The following WDFY3 variants were observed in gnomAD, a reference collection of about 807,000 sequenced individuals.
WDFY3 encodes the protein WD repeat and FYVE domain-containing protein 3.
A neutral mutation model predicts 409.6 loss-of-function variants in WDFY3; 66 were observed. That is an observed-to-expected ratio of 0.16 (90% CI 0.13 to 0.20). The LOEUF (loss-of-function observed/expected upper bound fraction) is 0.20. Ranked by LOEUF, WDFY3 falls within the 10% of genes least tolerant of loss-of-function variation. The probability of loss-of-function intolerance (pLI) is 1.00; values close to 1 mark genes in which losing one functional copy is unlikely to be tolerated. For missense variants in WDFY3, 3,031 were observed against 4,298.1 expected (o/e 0.71, Z 8.24); for synonymous variants, 1,521 against 1,537.1 (o/e 0.99, Z 0.25).
At chr4:84,713,318 C>G in intron 50 of WDFY3, 79 bp from the exon 51 acceptor site, 1 of 1,327,480 alleles carries the variant, frequency 7.5e-7, no homozygotes, top group Non-Finnish European at 1.1e-6. Context: ...AAGGACGATT[C>G]GTTTAGATTT....
intron 10 of WDFY3, among the ~76,000 whole-genome samples, chr4:84,825,079 G>A (rs1213906496): frequency 1.3e-5 from 2 of 152,080 alleles, no homozygotes; most frequent in African/African-American, 4.8e-5. Flanking sequence ...ACCCTGGGAG[G>A]TGCTAGGTTA....
At chr4:84,755,999 T>C (rs1398115446) in intron 33 of WDFY3, among the ~76,000 whole-genome samples, 1 of 152,202 alleles carries the variant, frequency 6.6e-6, no homozygotes, top group East Asian at 1.9e-4. Context: ...TTTTGTCAAC[T>C]ACTAGAATTG....
At chr4:84,886,351 C>A (rs1764220977) in intron 3 of WDFY3, 1 of 151,890 alleles carries the variant, frequency 6.6e-6, no homozygotes, top group African/African-American at 2.4e-5. Context: ...CTCAAGTGAA[C>A]CACATTTATT....
Position 84,688,276 on chromosome 4 carries a change from G to C in WDFY3, c.9364-11C>G, listed in dbSNP as rs1728657626. 1 of 1,609,220 alleles carries C rather than the reference G, an allele frequency of 6.2e-7. No homozygotes were observed. The highest frequency in any genetic ancestry group is 8.5e-7 in the Non-Finnish European group (1 of 1,177,798). ...GTGGCCCAGTAAGGCCTACGAATGAGAACAAACAAACAAAATCAGGTTGAT... is the reference window on the plus strand; with the variant it reads ...GTGGCCCAGTAAGGCCTACGAATGACAACAAACAAACAAAATCAGGTTGAT... On this transcript the variant is annotated splice_polypyrimidine_tract_variant and intron_variant, in intron 61 of 67. Coordinates refer to ENST00000295888, the MANE Select transcript of WDFY3 (RefSeq NM_014991.6).
chr4:84,860,162 G>A (rs143875014), intron 4 of WDFY3, among the ~76,000 whole-genome samples: 75 of 152,176 alleles, frequency 4.9e-4, no homozygotes, highest in African/African-American at 1.7e-3. Context: ...GGCCATTTTA[G>A]ACAATGGCTC....
intron 1 of WDFY3, among the ~76,000 whole-genome samples, chr4:84,943,074 G>A (rs915682915): frequency 2.6e-5 from 4 of 151,920 alleles, no homozygotes; most frequent in Admixed American, 6.6e-5. Context: ...CCTCCTCTTC[G>A]GCCAACTCAG....
At chr4:84,889,875 A>C (rs1231371355) in intron 3 of WDFY3, among the ~76,000 whole-genome samples, 1 of 152,200 alleles carries the variant, frequency 6.6e-6, no homozygotes, top group African/African-American at 2.4e-5. Flanking sequence ...ATTAAGAAAA[A>C]AAATTAATCA....
Position 84,786,096 on chromosome 4 carries a change from T to C in WDFY3, c.3945A>G (p.Ser1315=). 5 of 1,613,368 alleles carry C rather than the reference T, an allele frequency of 3.1e-6. No homozygotes were observed. Among genetic ancestry groups the C allele is most frequent in the Non-Finnish European group, 3.4e-6 (4 of 1,179,672 alleles). ...ATGACACTTTCTCCTCTGGTACTAA[T>C]GACACAGGGGATGGCACCACCCCTT... ...KSEGVVPSPV[S]LVPEEKVSFG... Residue 1315 remains serine (S), a synonymous_variant, in exon 24 of 68, where the codon TCA becomes TCG. Coordinates refer to ENST00000295888, the MANE Select transcript of WDFY3 (RefSeq NM_014991.6).
chr4:84,691,415 T>C (rs1729243731), intron 60 of WDFY3, among the ~76,000 whole-genome samples: 1 of 152,182 alleles, frequency 6.6e-6, no homozygotes, highest in Admixed American at 6.5e-5. Flanking sequence ...AGAGGCTTGT[T>C]CTGCAGGGAA....
intron 1 of WDFY3, among the ~76,000 whole-genome samples, chr4:84,939,787 T>C (rs1771888155): frequency 6.6e-6 from 1 of 152,122 alleles, no homozygotes; most frequent in South Asian, 2.1e-4. Context: ...GTATGTGCCC[T>C]ACCCTATCCT....
chr4:84,769,993 C>T (rs1744376216), intron 30 of WDFY3, among the ~76,000 whole-genome samples: 1 of 151,934 alleles, frequency 6.6e-6, no homozygotes, highest in Non-Finnish European at 1.5e-5. Context: ...TGATTGTTAT[C>T]ATTTTTTAGC....
Position 84,679,017 on chromosome 4 carries a change from T to C in WDFY3, c.10049A>G (p.Asn3350Ser), listed in dbSNP as rs780525327. The change falls in exon 65 of 68, where the codon AAC (asparagine) becomes AGC (serine). Residue 3350 changes from asparagine (N) to serine (S), a missense_variant. Transcript: ENST00000295888. The part of the protein sequence containing the change: ...LDEKDGFIFV[N>S]YSEGQTRAHL... ...GGCTCTGGTCTGGCCCTCTGAATAG[T>C]TCACAAATATGAAGCCGTCTTTCTC... 1 of 1,614,210 alleles carries C rather than the reference T, an allele frequency of 6.2e-7. No individual in the cohort carries two copies. The highest frequency in any genetic ancestry group is 1.7e-5 in the Admixed American group (1 of 60,028).
At chr4:84,813,667 A>G (rs1304244748) in intron 13 of WDFY3, among the ~76,000 whole-genome samples, 1 of 152,144 alleles carries the variant, frequency 6.6e-6, no homozygotes, top group Non-Finnish European at 1.5e-5. Context: ...AACATTAACC[A>G]GAACACTGCC....
chr4:84,682,291 A>G, intron 64 of WDFY3, 83 bp downstream of exon 64: 2 of 1,318,694 alleles, frequency 1.5e-6, no homozygotes, highest in Non-Finnish European at 2.1e-6. Flanking sequence ...GCTCCTCTTT[A>G]TGTTGTTTGG....
intron 3 of WDFY3, among the ~76,000 whole-genome samples, chr4:84,877,226 C>T (rs565786910): frequency 1.3e-4 from 20 of 152,318 alleles, no homozygotes; most frequent in African/African-American, 3.6e-4. Context: ...TCTGCCTGCA[C>T]GCACCCTGAG....
chr4:84,736,425 T>C, intron 41 of WDFY3, 98 bp from the exon 42 acceptor site: 2 of 1,142,290 alleles, frequency 1.8e-6, no homozygotes, highest in Non-Finnish European at 2.3e-6. Flanking sequence ...ACCCTGTAGT[T>C]AACAAAAGTA....
intron 3 of WDFY3, among the ~76,000 whole-genome samples, chr4:84,892,745 CTG>C (rs1765117955): frequency 6.6e-6 from 1 of 152,170 alleles, no homozygotes; most frequent in Non-Finnish European, 1.5e-5. Context: ...CTGCTAAAGT[CTG>C]TGTCCTTTTG....
chr4:84,732,506 G>A (rs1227594587), intron 44 of WDFY3, among the ~76,000 whole-genome samples: 1 of 152,080 alleles, frequency 6.6e-6, no homozygotes, highest in Non-Finnish European at 1.5e-5. Context: ...TTATCTGACT[G>A]TACCCTTTGA....
Position 84,947,921 on chromosome 4 carries a change from G to A in WDFY3, c.-225-15558C>T, listed in dbSNP as rs575851911. ...AAATAAATAAATAAATAAAATTCCT[G>A]CTAATGAGATCCTCAAAGCAACTCT... On this transcript the variant is annotated intron_variant, in intron 1 of 67. Coordinates refer to ENST00000295888, the MANE Select transcript of WDFY3 (RefSeq NM_014991.6). 3.9e-5 allele frequency among the ~76,000 whole-genome samples: 6 copies of A among 151,998 alleles called. No individual in the cohort carries two copies. In the East Asian group the frequency reaches 9.7e-4, roughly 24 times the overall value.
Sources: allele counts gnomAD v4.1 joint callset (sites outside exome capture counted in the v4.1 genomes callset), GRCh38; gene constraint gnomAD v4.1.1; transcripts MANE v1.5; gene names NCBI Gene and HGNC (gene_info 2026-07-23, HGNC 2026-07-21).